The following EIF4EBP2 variants were observed in gnomAD, a reference collection of about 807,000 sequenced individuals.
The protein encoded by EIF4EBP2 is eukaryotic translation initiation factor 4E binding protein 2.
In EIF4EBP2, 5 loss-of-function variants were observed where a neutral mutation model predicts 10.3. The ratio of observed to expected loss-of-function variants is 0.48; its 90% CI spans 0.25 to 1.02. The LOEUF is 1.02. Ranked by LOEUF, EIF4EBP2 falls within the 50% of genes least tolerant of loss-of-function variation. The probability of loss-of-function intolerance (pLI) is 0.15; values close to 1 mark genes in which losing one functional copy is unlikely to be tolerated. For synonymous variants in EIF4EBP2, 67 were observed against 61.1 expected (o/e 1.10, Z -0.45); for missense variants, 188 against 162.2 (o/e 1.16, Z -0.86).
intron 1 of EIF4EBP2, among the ~76,000 whole-genome samples, chr10:70,405,798 T>G (rs750576301): frequency 6.6e-6 from 1 of 152,150 alleles, no homozygotes; most frequent in Admixed American, 6.5e-5. Context: ...ACAGAGAAAT[T>G]CAGCCAGGCC....
intron 1 of EIF4EBP2, among the ~76,000 whole-genome samples, chr10:70,405,722 G>C (rs973232017): frequency 1.2e-4 from 18 of 152,186 alleles, no homozygotes; most frequent in Admixed American, 6.5e-5. Flanking sequence ...TTGCACAATA[G>C]CAAGGCCTGT....
chr10:70,407,738 C>CCCCCG (rs1205301614), intron 1 of EIF4EBP2, among the ~76,000 whole-genome samples: 13 of 139,876 alleles, frequency 9.3e-5, no homozygotes, highest in African/African-American at 3.0e-4. Flanking sequence ...TGACCCCCCC[C>CCCCCG]CCACCTCCCT....
At position 70,423,429 on chromosome 10, in the gene EIF4EBP2, A is replaced by G. The variant is rs1289251407; in HGVS notation, c.*1682A>G. On this transcript the variant is annotated 3_prime_UTR_variant, in exon 3 of 3. Coordinates refer to ENST00000373218, the MANE Select transcript of EIF4EBP2 (RefSeq NM_004096.5). ...TTTGCATTCACCCTCCTTCCCACCT[A>G]CCTGTCCTGGGGCTGTTGAGCAGCA... is the stretch of plus-strand genomic sequence containing the variant. The G allele has an allele frequency of 3.3e-5, 5 of 152,690 alleles. No homozygotes were observed. In the East Asian group the frequency reaches 9.6e-4, roughly 29 times the overall value. 9.5% of individuals were successfully genotyped at this position (152,690 alleles called of 1,614,324 possible). A position where few individuals can be genotyped will look rare whatever the true frequency, so the allele number is the denominator to read the frequency against.
chr10:70,423,560 C>G lies in EIF4EBP2; in HGVS notation c.*1813C>G, dbSNP rs566320462. On this transcript the variant is annotated 3_prime_UTR_variant, in exon 3 of 3. Transcript: ENST00000373218. ...TGGGAATTTCTGGTTGGATTTGGTGCCCTGAACTTTTTTATTAAGAAATCA... is the reference window on the plus strand; with the variant it reads ...TGGGAATTTCTGGTTGGATTTGGTGGCCTGAACTTTTTTATTAAGAAATCA... 4.6e-5 allele frequency: 7 copies of G among 152,396 alleles called. No individual in the cohort carries two copies. In the South Asian group the frequency reaches 6.2e-4, roughly 14 times the overall value. The allele number at this position is 152,396 out of a possible 1,614,324, so 9.4% of individuals were successfully genotyped here.
In EIF4EBP2 at chr10:70,419,990, C is replaced by G. The variant is rs1043098; in HGVS notation, c.222C>G (p.His74Gln). The G allele has an allele frequency of 1.2e-6, 2 of 1,612,940 alleles. No homozygotes were observed. The highest frequency in any genetic ancestry group is 2.2e-5 in the South Asian group (2 of 90,866). The change falls in exon 2 of 3, where the codon CAC becomes CAG. Residue 74 changes from histidine to glutamine, a missense_variant. Coordinates refer to ENST00000373218, the MANE Select transcript of EIF4EBP2 (RefSeq NM_004096.5). ...NSPMAQTPPCHLPNIPGVTSP... is the reference protein window; with the variant it reads ...NSPMAQTPPCQLPNIPGVTSP... Reference sequence around the variant, plus strand: ...CCATGGCTCAGACCCCACCCTGCCACCTGCCCAATATCCCAGGAGTCACTA... The same window carrying G: ...CCATGGCTCAGACCCCACCCTGCCAGCTGCCCAATATCCCAGGAGTCACTA...
chr10:70,416,671 T>G (rs1845099309), intron 1 of EIF4EBP2, among the ~76,000 whole-genome samples: 1 of 148,632 alleles, frequency 6.7e-6, no homozygotes, highest in Non-Finnish European at 1.5e-5. Flanking sequence ...TTTAATTTTT[T>G]TTTTTTTTTT....
Position 70,424,771 on chromosome 10 carries a change from GTCT to G in EIF4EBP2, c.*3029_*3031del, listed in dbSNP as rs1232142296. The G allele has an allele frequency of 2.6e-5, 4 of 152,180 alleles. No individual in the cohort carries two copies. Among genetic ancestry groups the G allele is most frequent in the South Asian group, 2.1e-4 (1 of 4,826 alleles). 9.4% of individuals were successfully genotyped at this position (152,180 alleles called of 1,614,324 possible). A position where few individuals can be genotyped will look rare whatever the true frequency, so the allele number is the denominator to read the frequency against. ...AGCAGACATGCATTGTCATGATTCT[GTCT>G]TCTTTTTAGTGTGGTTTATTGAGTT... On this transcript the variant is annotated 3_prime_UTR_variant, in exon 3 of 3. Transcript: ENST00000373218.
At chr10:70,410,390 C>T (rs1375471830) in intron 1 of EIF4EBP2, among the ~76,000 whole-genome samples, 2 of 152,174 alleles carry the variant, frequency 1.3e-5, no homozygotes, top group African/African-American at 2.4e-5. Context: ...TAAAAATTGT[C>T]TTTGTTGGTT....
intron 1 of EIF4EBP2, among the ~76,000 whole-genome samples, chr10:70,417,911 A>G (rs1028240995): frequency 6.6e-6 from 1 of 152,126 alleles, no homozygotes; most frequent in East Asian, 1.9e-4. Context: ...CTTTCAGCCT[A>G]TTTGCCCTTA....
chr10:70,420,794 T>C (rs985560094), intron 2 of EIF4EBP2, among the ~76,000 whole-genome samples: 2 of 152,002 alleles, frequency 1.3e-5, no homozygotes, highest in African/African-American at 4.8e-5. Flanking sequence ...CTTGTTTCTT[T>C]TGTTTTGTTT....
chr10:70,421,757 A>G lies in EIF4EBP2; in HGVS notation c.*10A>G. 1 of 1,612,494 alleles carries G rather than the reference A, an allele frequency of 6.2e-7. No individual in the cohort carries two copies. The highest frequency in any genetic ancestry group is 8.5e-7 in the Non-Finnish European group (1 of 1,179,622). ...CGAGATGGACATCTGACTCTCCTGC[A>G]AGGATTAGAAGAAAAGCAGCAACAC... On this transcript the variant is annotated 3_prime_UTR_variant, in exon 3 of 3. Coordinates refer to ENST00000373218, the MANE Select transcript of EIF4EBP2 (RefSeq NM_004096.5).
intron 1 of EIF4EBP2, among the ~76,000 whole-genome samples, chr10:70,418,939 C>T (rs1564662927): frequency 1.3e-5 from 2 of 152,162 alleles, no homozygotes; most frequent in Non-Finnish European, 2.9e-5. Context: ...GCTCAACCCC[C>T]GAGTAGTAGG....
intron 1 of EIF4EBP2, among the ~76,000 whole-genome samples, chr10:70,406,736 A>G (rs1421540106): frequency 2.6e-5 from 4 of 151,164 alleles, no homozygotes; most frequent in Non-Finnish European, 5.9e-5. Context: ...TCCTAACAAC[A>G]CTCAATCACT....
intron 1 of EIF4EBP2, among the ~76,000 whole-genome samples, chr10:70,415,882 A>G (rs376904541): frequency 1.3e-5 from 2 of 152,304 alleles, no homozygotes; most frequent in African/African-American, 4.8e-5. Flanking sequence ...AGAAAAAAAA[A>G]AAAACATACA....
rs2132209127 is a variant in EIF4EBP2, at chr10:70,428,609, T to G, written c.*6862T>G. The G allele has an allele frequency of 6.6e-6, 1 of 152,356 alleles. No individual in the cohort carries two copies. The highest frequency in any genetic ancestry group is 1.5e-5 in the Non-Finnish European group (1 of 68,040). The allele number at this position is 152,356 out of a possible 1,614,324, so 9.4% of individuals were successfully genotyped here. A position where few individuals can be genotyped will look rare whatever the true frequency, so the allele number is the denominator to read the frequency against. On this transcript the variant is annotated 3_prime_UTR_variant, in exon 3 of 3. Coordinates refer to ENST00000373218, the MANE Select transcript of EIF4EBP2 (RefSeq NM_004096.5). ...GTTATAGTTAAATCAGTAAAGATCT[T>G]GAGTATCAACTTGGTGTTTTAATTT...
intron 1 of EIF4EBP2, among the ~76,000 whole-genome samples, chr10:70,406,195 T>G (rs1844962975): frequency 6.6e-6 from 1 of 152,168 alleles, no homozygotes; most frequent in Admixed American, 6.5e-5. Context: ...TTGCCCAGGC[T>G]CGTCCTGGGC....
intron 1 of EIF4EBP2, among the ~76,000 whole-genome samples, chr10:70,408,977 A>C (rs1303883577): frequency 6.6e-6 from 1 of 152,260 alleles, no homozygotes; most frequent in Non-Finnish European, 1.5e-5. Flanking sequence ...GGTCACATAC[A>C]TGTCAGAGCA....
chr10:70,404,734 C>G (rs1425224953), intron 1 of EIF4EBP2, among the ~76,000 whole-genome samples, 188 bp downstream of exon 1: 1 of 152,200 alleles, frequency 6.6e-6, no homozygotes, highest in Non-Finnish European at 1.5e-5. Context: ...CAGCTCGAGT[C>G]GGCGCGCGCC....
intron 2 of EIF4EBP2, 110 bp downstream of exon 2, chr10:70,420,209 G>GT (rs1027242664): frequency 2.5e-4 from 295 of 1,176,642 alleles, no homozygotes; most frequent in Admixed American, 3.3e-4. Flanking sequence ...TTTGTTTTTT[G>GT]TTTTTTTTGA....
Sources: gnomAD v4.1 joint callset for allele counts (sites outside exome capture counted in the v4.1 genomes callset) on GRCh38, gnomAD v4.1.1 for gene constraint, MANE v1.5 for transcripts, NCBI Gene and HGNC (gene_info 2026-07-23, HGNC 2026-07-21) for gene names.